The following LRFN5 variants were observed in gnomAD, a reference collection of about 807,000 sequenced individuals.
LRFN5 encodes the protein leucine-rich repeat and fibronectin type-III domain-containing protein 5.
A neutral mutation model predicts 45.6 loss-of-function variants in LRFN5; 24 were observed. The observed-to-expected ratio is 0.53, with a 90% confidence interval of 0.38 to 0.74. The LOEUF is 0.74. Among genes scored for constraint, LRFN5 ranks in the 30% least tolerant of loss-of-function variants. The probability of loss-of-function intolerance (pLI) is 0.00; values close to 1 mark genes in which losing one functional copy is unlikely to be tolerated. For synonymous variants in LRFN5, 340 were observed against 313.8 expected (o/e 1.08, Z -0.88); for missense variants, 776 against 861.5 (o/e 0.90, Z 1.24).
chr14:41,747,270 C>T (rs1311544071), intron 1 of LRFN5, among the ~76,000 whole-genome samples: 1 of 151,952 alleles, frequency 6.6e-6, no homozygotes, highest in Non-Finnish European at 1.5e-5. Context: ...GCTTATACTT[C>T]CTGATTGCAA....
chr14:41,680,411 G>A (rs1264724429), intron 1 of LRFN5, among the ~76,000 whole-genome samples: 3 of 152,178 alleles, frequency 2.0e-5, no homozygotes, highest in Admixed American at 6.5e-5. Context: ...TGTGCAGCTT[G>A]AGACACACAG....
At chr14:41,718,111 C>T (rs59082466) in intron 1 of LRFN5, among the ~76,000 whole-genome samples, 25,426 of 152,056 alleles carry the variant, frequency 0.17, 2,310 homozygotes, top group Non-Finnish European at 0.22. Context: ...GGAAAAATAA[C>T]TGGACTCTAT....
At chr14:41,653,240 T>C (rs1397272102) in intron 1 of LRFN5, among the ~76,000 whole-genome samples, 1 of 152,160 alleles carries the variant, frequency 6.6e-6, no homozygotes, top group Non-Finnish European at 1.5e-5. Context: ...TCTTTGCCTG[T>C]GTTATTTTCC....
chr14:41,876,979 T>C (rs1890208741), intron 2 of LRFN5, among the ~76,000 whole-genome samples: 1 of 152,142 alleles, frequency 6.6e-6, no homozygotes, highest in African/African-American at 2.4e-5. Context: ...ATGTAAAGTA[T>C]CATTGTTTAC....
At chr14:41,842,868 G>T (rs1888910155) in intron 2 of LRFN5, among the ~76,000 whole-genome samples, 1 of 151,850 alleles carries the variant, frequency 6.6e-6, no homozygotes, top group South Asian at 2.1e-4. Flanking sequence ...ATTACCTAAT[G>T]GAAATTATGC....
intron 2 of LRFN5, among the ~76,000 whole-genome samples, chr14:41,828,530 G>A (rs537675146): frequency 3.9e-5 from 6 of 151,972 alleles, no homozygotes; most frequent in East Asian, 1.9e-4. Context: ...ACTCATGATC[G>A]TTTTCTGAAA....
chr14:41,883,276 G>GTTTGTT (rs1284144541), intron 2 of LRFN5, among the ~76,000 whole-genome samples: 5 of 151,790 alleles, frequency 3.3e-5, no homozygotes, highest in African/African-American at 4.8e-5. Flanking sequence ...AGCTTATTTT[G>GTTTGTT]TTTGTTTAGG....
At chr14:41,680,617 C>G (rs985459902) in intron 1 of LRFN5, among the ~76,000 whole-genome samples, 3 of 152,108 alleles carry the variant, frequency 2.0e-5, no homozygotes, top group Non-Finnish European at 4.4e-5. Context: ...ATCACAACCT[C>G]CAAGTCTCTT....
intron 2 of LRFN5, among the ~76,000 whole-genome samples, chr14:41,880,177 T>C (rs1289389592): frequency 1.3e-5 from 2 of 152,046 alleles, no homozygotes; most frequent in Non-Finnish European, 2.9e-5. Context: ...TCTGCCCGCC[T>C]TGGCCTCCCA....
At chr14:41,751,784 T>C (rs1214615331) in intron 1 of LRFN5, among the ~76,000 whole-genome samples, 1 of 152,188 alleles carries the variant, frequency 6.6e-6, no homozygotes, top group Non-Finnish European at 1.5e-5. Context: ...AAAATTATAC[T>C]TTAAGTTTTA....
At chr14:41,656,664 C>G (rs1279718064) in intron 1 of LRFN5, among the ~76,000 whole-genome samples, 1 of 151,846 alleles carries the variant, frequency 6.6e-6, no homozygotes, top group African/African-American at 2.4e-5. Context: ...GTACAGTGAT[C>G]AAACCCATTG....
chr14:41,840,625 A>G (rs917230736), intron 2 of LRFN5, among the ~76,000 whole-genome samples: 13 of 152,148 alleles, frequency 8.5e-5, no homozygotes, highest in Admixed American at 1.3e-4. Flanking sequence ...GTGTACATCA[A>G]TAGTTAATAT....
chr14:41,730,148 T>A (rs1000137286), intron 1 of LRFN5, among the ~76,000 whole-genome samples: 1 of 152,086 alleles, frequency 6.6e-6, no homozygotes, highest in Non-Finnish European at 1.5e-5. Context: ...TATCAGTTAT[T>A]TATTATCTCA....
At chr14:41,832,561 C>T (rs763259830) in intron 2 of LRFN5, among the ~76,000 whole-genome samples, 1 of 152,136 alleles carries the variant, frequency 6.6e-6, no homozygotes, top group Non-Finnish European at 1.5e-5. Context: ...ACTAGAGGGT[C>T]ATTAGGGGTA....
intron 1 of LRFN5, among the ~76,000 whole-genome samples, chr14:41,649,218 G>C (rs1367221973): frequency 6.6e-6 from 1 of 151,954 alleles, no homozygotes; most frequent in Non-Finnish European, 1.5e-5. Context: ...CTGGGCAAAA[G>C]AGCGAGAGTC....
chr14:41,868,027 A>T (rs1889897174), intron 2 of LRFN5, among the ~76,000 whole-genome samples: 1 of 151,954 alleles, frequency 6.6e-6, no homozygotes, highest in Non-Finnish European at 1.5e-5. Flanking sequence ...TTCACCATGG[A>T]GTTGCTATCC....
intron 1 of LRFN5, among the ~76,000 whole-genome samples, chr14:41,762,097 A>G (rs1358612211): frequency 1.3e-5 from 2 of 151,690 alleles, no homozygotes; most frequent in Non-Finnish European, 2.9e-5. Flanking sequence ...AACAATGAAA[A>G]GCAAGCACAA....
chr14:41,614,204 C>T (rs945440741), intron 1 of LRFN5, among the ~76,000 whole-genome samples: 55 of 151,988 alleles, frequency 3.6e-4, no homozygotes, highest in African/African-American at 1.2e-3. Flanking sequence ...TGTACAGTAA[C>T]ATTAAAATAC....
intron 1 of LRFN5, among the ~76,000 whole-genome samples, chr14:41,688,482 T>C (rs889656542): frequency 1.1e-4 from 16 of 151,916 alleles, no homozygotes; most frequent in African/African-American, 3.4e-4. Flanking sequence ...AATAAATTAG[T>C]AAATTTAAAA....
Sources: allele counts gnomAD v4.1 joint callset (sites outside exome capture counted in the v4.1 genomes callset), GRCh38; gene constraint gnomAD v4.1.1; transcripts MANE v1.5; gene names NCBI Gene and HGNC (gene_info 2026-07-23, HGNC 2026-07-21).